PIP4K2A: variants seen among roughly 807,000 people sequenced by gnomAD.
PIP4K2A encodes the protein phosphatidylinositol-5-phosphate 4-kinase type 2 alpha.
A neutral mutation model predicts 42.9 loss-of-function variants in PIP4K2A; 14 were observed. The observed-to-expected ratio is 0.33, with a 90% confidence interval of 0.22 to 0.51. The LOEUF (loss-of-function observed/expected upper bound fraction) is 0.51. PIP4K2A is among the 20% of genes least tolerant of loss of function. The probability of loss-of-function intolerance (pLI) is 0.97; values close to 1 mark genes in which losing one functional copy is unlikely to be tolerated. For missense variants in PIP4K2A, 434 were observed against 519.8 expected, an observed-to-expected ratio of 0.83 and a Z score of 1.61; for synonymous variants, 192 against 192.2, an observed-to-expected ratio of 1.00 and a Z score of 0.01.
At chr10:22,638,133 A>T (rs753107636) in intron 1 of PIP4K2A, among the ~76,000 whole-genome samples, 2 of 152,212 alleles carry the variant, frequency 1.3e-5, no homozygotes, top group African/African-American at 4.8e-5. Context: ...TGCATTTTGG[A>T]TAATAACTTA....
rs759447992 is a variant in PIP4K2A at position 22,567,778 on chromosome 10, TAA to T, written c.678+71_678+72del. On this transcript the variant is annotated intron_variant, in intron 6 of 9. Coordinates refer to ENST00000376573, the MANE Select transcript of PIP4K2A (RefSeq NM_005028.5). The stretch of plus-strand genomic sequence containing the variant: ...AATAGCAGGGGTGGGAGACTAGAAA[TAA>T]AGAGTAAAGGTGATTGGGAGTATGT... 5 of 1,276,984 alleles carry T rather than the reference TAA, an allele frequency of 3.9e-6. No individual in the cohort carries two copies. The South Asian group carries it at 5.9e-5, about 15-fold the overall frequency. 79.1% of individuals were successfully genotyped at this position (1,276,984 alleles called of 1,614,324 possible). A position where few individuals can be genotyped will look rare whatever the true frequency, so the allele number is the denominator to read the frequency against.
chr10:22,604,516 G>GA (rs1219706126), intron 3 of PIP4K2A, among the ~76,000 whole-genome samples: 1 of 151,946 alleles, frequency 6.6e-6, no homozygotes, highest in East Asian at 1.9e-4. Context: ...AAGCAGTTTG[G>GA]AAAAATAAAC....
chr10:22,609,063 C>G (rs953077075), intron 2 of PIP4K2A, among the ~76,000 whole-genome samples: 2 of 152,292 alleles, frequency 1.3e-5, no homozygotes, highest in Admixed American at 1.3e-4. Context: ...AGTTTTTGTA[C>G]TCTGAGCCCC....
intron 1 of PIP4K2A, among the ~76,000 whole-genome samples, chr10:22,681,325 CCT>C (rs1839656727): frequency 6.6e-6 from 1 of 152,196 alleles, no homozygotes. Flanking sequence ...TTGGAGGGGA[CCT>C]CTGTCTCCCC....
chr10:22,632,033 G>A (rs148241798), intron 1 of PIP4K2A, among the ~76,000 whole-genome samples: 6 of 151,960 alleles, frequency 3.9e-5, no homozygotes, highest in Admixed American at 1.3e-4. Context: ...CATAATGAAT[G>A]TAATCATTAG....
chr10:22,557,235 C>T (rs1836577238), intron 6 of PIP4K2A, among the ~76,000 whole-genome samples: 3 of 152,120 alleles, frequency 2.0e-5, no homozygotes, highest in African/African-American at 7.2e-5. Flanking sequence ...TTAGCAGAGA[C>T]CTGTGGTATA....
At position 22,591,794 on chromosome 10, in the gene PIP4K2A, G is replaced by T; in HGVS notation, c.340-13C>A. On this transcript the variant is annotated splice_polypyrimidine_tract_variant and intron_variant, in intron 3 of 9. Transcript: ENST00000376573. ...TGGTCAGGGAATTCTTCCCGGGTGG[G>T]GTAAGAGGGGAAGGAAGGCGGGGGA... The T allele has an allele frequency of 6.3e-7, 1 of 1,597,086 alleles. No individual in the cohort carries two copies.
At chr10:22,656,752 G>T (rs566797781) in intron 1 of PIP4K2A, among the ~76,000 whole-genome samples, 1 of 150,672 alleles carries the variant, frequency 6.6e-6, no homozygotes, top group South Asian at 2.1e-4. Context: ...AGCCGAGATC[G>T]TGCCACTGCA....
chr10:22,684,072 T>TC (rs943788699), intron 1 of PIP4K2A, among the ~76,000 whole-genome samples: 7 of 151,746 alleles, frequency 4.6e-5, no homozygotes, highest in Non-Finnish European at 7.4e-5. Flanking sequence ...GTAGTCTTTT[T>TC]CCCCCCCTTA....
intron 1 of PIP4K2A, among the ~76,000 whole-genome samples, chr10:22,682,734 C>T (rs1015961263): frequency 3.3e-5 from 5 of 152,180 alleles, no homozygotes; most frequent in African/African-American, 1.2e-4. Context: ...CAGACTGAGC[C>T]AGTCTGAACT....
chr10:22,688,780 C>G (rs1175936271), intron 1 of PIP4K2A, among the ~76,000 whole-genome samples: 1 of 152,146 alleles, frequency 6.6e-6, no homozygotes, highest in Non-Finnish European at 1.5e-5. Context: ...GAAGTTGTGA[C>G]ATTTCAACAA....
rs1833969435 is a variant in PIP4K2A, at chr10:22,714,304, C to T, written c.23G>A (p.Gly8Glu). The change falls in exon 1 of 10, where the codon GGG becomes GAG. Residue 8 changes from glycine (G) to glutamate (E), a missense_variant. This residue lies in a region of PIP4K2A where 395 missense variants were observed against 444.5 expected (regional missense o/e 0.89). Transcript: ENST00000376573. Reference sequence around the variant, plus strand: ...GGTCTTGCTCGCCAGGACAGAGGACCCTAGGTTGCCGGGGGTCGCCATGGC... The same window carrying T: ...GGTCTTGCTCGCCAGGACAGAGGACTCTAGGTTGCCGGGGGTCGCCATGGC... MATPGNL[G>E]SSVLASKTKT... 3 of 1,607,798 alleles carry T rather than the reference C, an allele frequency of 1.9e-6. No individual in the cohort carries two copies. Among genetic ancestry groups the T allele is most frequent in the Admixed American group, 1.7e-5 (1 of 59,560 alleles).
At chr10:22,687,004 T>C in intron 1 of PIP4K2A, among the ~76,000 whole-genome samples, 1 of 152,192 alleles carries the variant, frequency 6.6e-6, no homozygotes, top group Admixed American at 6.5e-5. Context: ...TGCTCACTCG[T>C]AAATAGCAAA....
chr10:22,604,009 G>GCGCA (rs112345791), intron 3 of PIP4K2A, among the ~76,000 whole-genome samples: 1 of 149,564 alleles, frequency 6.7e-6, no homozygotes, highest in African/African-American at 2.4e-5. Flanking sequence ...ACGCGCGCAC[G>GCGCA]CACACACACA....
At chr10:22,637,442 G>C (rs1251582884) in intron 1 of PIP4K2A, among the ~76,000 whole-genome samples, 1 of 152,186 alleles carries the variant, frequency 6.6e-6, no homozygotes, top group African/African-American at 2.4e-5. Context: ...AGCTAGACCT[G>C]CTACTGCTCA....
intron 7 of PIP4K2A, among the ~76,000 whole-genome samples, chr10:22,549,877 AAG>A: frequency 6.9e-6 from 1 of 144,878 alleles, no homozygotes; most frequent in Non-Finnish European, 1.5e-5. Flanking sequence ...AAAAAAAAGA[AAG>A]GAAAGAAAAT....
In PIP4K2A at chr10:22,535,820, A is replaced by G. The variant is rs1835904693; in HGVS notation, c.*1381T>C. 1 of 296,156 alleles carries G rather than the reference A, an allele frequency of 3.4e-6. No individual in the cohort carries two copies. Among genetic ancestry groups the G allele is most frequent in the Admixed American group, 5.1e-5 (1 of 19,514 alleles). The allele number at this position is 296,156 out of a possible 1,614,324, so 18.3% of individuals were successfully genotyped here. On this transcript the variant is annotated 3_prime_UTR_variant, in exon 10 of 10. Transcript: ENST00000376573. ...GCACAGTTTAGGGCAATGAACTTTCATAAACCAGACTGGGGCGAAATCTCT... is the reference window on the plus strand; with the variant it reads ...GCACAGTTTAGGGCAATGAACTTTCGTAAACCAGACTGGGGCGAAATCTCT...
chr10:22,710,769 C>T (rs1033954102), intron 1 of PIP4K2A, among the ~76,000 whole-genome samples: 1 of 152,216 alleles, frequency 6.6e-6, no homozygotes, highest in African/African-American at 2.4e-5. Flanking sequence ...AACATCAATA[C>T]TTAGCTACTT....
In PIP4K2A at chr10:22,622,616, C is replaced by G. The variant is rs1024368423; in HGVS notation, c.145-12899G>C. Among the ~76,000 whole-genome samples, 6 of 152,236 alleles carry G rather than the reference C, an allele frequency of 3.9e-5. 1 individual carries two copies. The highest frequency in any genetic ancestry group is 2.0e-4 in the Admixed American group (3 of 15,284). On this transcript the variant is annotated intron_variant, in intron 1 of 9. Transcript: ENST00000376573. The stretch of plus-strand genomic sequence containing the variant: ...ATAATTCCGCCAGTGGGCGGCAGCA[C>G]AAAGGCTGGCCTCTTCCCCACTGTC...
Sources: gnomAD v4.1 joint callset for allele counts (sites outside exome capture counted in the v4.1 genomes callset) on GRCh38, gnomAD v4.1.1 for gene constraint, gnomAD v4.1.1 regional missense constraint, MANE v1.5 for transcripts, NCBI Gene and HGNC (gene_info 2026-07-23, HGNC 2026-07-21) for gene names.